FOXP2: variants seen among roughly 807,000 people sequenced by gnomAD.
FOXP2 encodes the protein forkhead box P2.
A neutral mutation model predicts 115.8 loss-of-function variants in FOXP2; 12 were observed. The observed-to-expected ratio is 0.10, with a 90% CI of 0.07 to 0.17. The LOEUF is 0.17. Ranked by LOEUF, FOXP2 falls within the 10% of genes least tolerant of loss-of-function variation. The probability of loss-of-function intolerance (pLI) is 1.00; values close to 1 mark genes in which losing one functional copy is unlikely to be tolerated. For synonymous variants in FOXP2, 328 were observed against 297.7 expected, an observed-to-expected ratio of 1.10 and a Z score of -1.05; for missense variants, 629 against 843.5, an observed-to-expected ratio of 0.75 and a Z score of 3.15.
intron 1 of FOXP2, among the ~76,000 whole-genome samples, chr7:114,164,620 A>C (rs1336118604): frequency 6.6e-6 from 1 of 152,074 alleles, no homozygotes; most frequent in East Asian, 1.9e-4. Context: ...GATTACAGGC[A>C]TAAGCCACCG....
intron 2 of FOXP2, among the ~76,000 whole-genome samples, chr7:114,456,900 T>A (rs1011573412): frequency 6.6e-6 from 1 of 151,554 alleles, no homozygotes; most frequent in African/African-American, 2.4e-5. Flanking sequence ...GAGGATACTA[T>A]GCTATAGGGG....
intron 16 of FOXP2, 76 bp downstream of exon 16, chr7:114,664,512 G>T: frequency 3.3e-6 from 5 of 1,521,992 alleles, no homozygotes; most frequent in Non-Finnish European, 3.6e-6. Context: ...TTTTTCCGAA[G>T]TTTTTACTGT....
intron 2 of FOXP2, among the ~76,000 whole-genome samples, chr7:114,351,328 C>T (rs1261663061): frequency 2.0e-5 from 3 of 151,862 alleles, no homozygotes; most frequent in Non-Finnish European, 4.4e-5. Context: ...ATTGTTATAC[C>T]AACTGAAGAC....
chr7:114,610,948 T>G (rs555111087), intron 3 of FOXP2, among the ~76,000 whole-genome samples: 5 of 152,260 alleles, frequency 3.3e-5, no homozygotes, highest in African/African-American at 1.2e-4. Context: ...GAGTTCTTTT[T>G]TCATTCTTAT....
At chr7:114,509,070 G>C (rs1797953128) in intron 2 of FOXP2, among the ~76,000 whole-genome samples, 1 of 152,104 alleles carries the variant, frequency 6.6e-6, no homozygotes, top group Non-Finnish European at 1.5e-5. Context: ...TAAGATGGAA[G>C]TGTGCTTTCT....
intron 1 of FOXP2, among the ~76,000 whole-genome samples, chr7:114,096,203 T>C (rs1799648661): frequency 6.6e-6 from 1 of 152,238 alleles, no homozygotes; most frequent in African/African-American, 2.4e-5. Flanking sequence ...ATAATAATTA[T>C]GGTAGTTTTT....
intron 2 of FOXP2, among the ~76,000 whole-genome samples, chr7:114,533,950 T>C (rs1799256805): frequency 6.6e-6 from 1 of 151,886 alleles, no homozygotes; most frequent in Non-Finnish European, 1.5e-5. Flanking sequence ...GAAAACATCT[T>C]CTATTTTGAT....
At chr7:114,450,222 A>G (rs977465419) in intron 2 of FOXP2, among the ~76,000 whole-genome samples, 2 of 152,112 alleles carry the variant, frequency 1.3e-5, no homozygotes, top group African/African-American at 4.8e-5. Flanking sequence ...TCCTCTATGC[A>G]TACTTTTATT....
chr7:114,265,125 G>A (rs1265365162), intron 1 of FOXP2, among the ~76,000 whole-genome samples: 3 of 152,142 alleles, frequency 2.0e-5, no homozygotes, highest in Non-Finnish European at 4.4e-5. Flanking sequence ...GTTCCCCAAA[G>A]TCTTAACTCA....
intron 1 of FOXP2, among the ~76,000 whole-genome samples, chr7:114,092,534 A>T (rs1170010382): frequency 6.6e-6 from 1 of 152,140 alleles, no homozygotes; most frequent in African/African-American, 2.4e-5. Context: ...CTTAAAAAAA[A>T]AAACTTTCTT....
At chr7:114,662,939 C>T (rs775661745) in intron 14 of FOXP2, among the ~76,000 whole-genome samples, 1 of 151,964 alleles carries the variant, frequency 6.6e-6, no homozygotes, top group Middle Eastern at 3.4e-3. Context: ...TACTATTGGC[C>T]CTTGACTTTT....
chr7:114,231,501 C>T (rs1235446288), intron 1 of FOXP2, among the ~76,000 whole-genome samples: 6 of 152,092 alleles, frequency 3.9e-5, no homozygotes, highest in Non-Finnish European at 5.9e-5. Context: ...GTAATCAAAA[C>T]AGTATGGTAC....
intron 1 of FOXP2, among the ~76,000 whole-genome samples, chr7:114,194,554 A>G (rs1169061182): frequency 6.6e-6 from 1 of 152,078 alleles, no homozygotes; most frequent in East Asian, 1.9e-4. Flanking sequence ...CTGAATCCTC[A>G]TACTACATGA....
At chr7:114,334,642 G>GAAA (rs79290508) in intron 2 of FOXP2, among the ~76,000 whole-genome samples, 2 of 148,618 alleles carry the variant, frequency 1.3e-5, no homozygotes, top group Non-Finnish European at 1.5e-5. Flanking sequence ...AAAGAAGAAG[G>GAAA]AAAAAAAACC....
chr7:114,206,394 T>C (rs1794203083), intron 1 of FOXP2, among the ~76,000 whole-genome samples: 1 of 152,164 alleles, frequency 6.6e-6, no homozygotes. Flanking sequence ...TTCTCAAACA[T>C]GCCAGGTTAT....
intron 2 of FOXP2, among the ~76,000 whole-genome samples, chr7:114,397,098 T>A (rs533714257): frequency 1.2e-3 from 189 of 152,196 alleles, no homozygotes; most frequent in African/African-American, 4.3e-3. Flanking sequence ...GGAAAGAAGA[T>A]AAAATAAATG....
chr7:114,138,977 G>A (rs974841688), intron 1 of FOXP2, among the ~76,000 whole-genome samples: 5 of 152,092 alleles, frequency 3.3e-5, no homozygotes, highest in Admixed American at 2.0e-4. Flanking sequence ...TCTTGTATCA[G>A]TAGGCTTAGC....
At chr7:114,283,541 C>T (rs139372023) in intron 1 of FOXP2, among the ~76,000 whole-genome samples, 2,639 of 152,042 alleles carry the variant, frequency 0.017, 37 homozygotes, top group African/African-American at 0.034. Flanking sequence ...TAGGATTCAT[C>T]TTCATTTTTA....
At chr7:114,357,095 A>C (rs1791635443) in intron 2 of FOXP2, among the ~76,000 whole-genome samples, 1 of 152,086 alleles carries the variant, frequency 6.6e-6, no homozygotes, top group African/African-American at 2.4e-5. Context: ...AACTTGATTA[A>C]CTCTGTAAGT....
Sources: gnomAD v4.1 joint callset for allele counts (sites outside exome capture counted in the v4.1 genomes callset) on GRCh38, gnomAD v4.1.1 for gene constraint, MANE v1.5 for transcripts, NCBI Gene and HGNC (gene_info 2026-07-23, HGNC 2026-07-21) for gene names.